The following CAP2 variants were observed in gnomAD, a reference collection of about 807,000 sequenced individuals.
CAP2 encodes adenylyl cyclase-associated protein 2.
In CAP2, 24 loss-of-function variants were observed where a neutral mutation model predicts 57.7. The observed-to-expected ratio is 0.42, with a 90% CI of 0.30 to 0.58. CAP2 has a LOEUF of 0.58. Among genes scored for constraint, CAP2 ranks in the 20% least tolerant of loss-of-function variants. The pLI is 0.22. For missense variants in CAP2, 501 were observed against 590.3 expected, an observed-to-expected ratio of 0.85 and a Z score of 1.57; for synonymous variants, 194 against 207.2, an observed-to-expected ratio of 0.94 and a Z score of 0.55.
At chr6:17,522,942 A>G (rs1762423316) in intron 7 of CAP2, among the ~76,000 whole-genome samples, 2 of 152,186 alleles carry the variant, frequency 1.3e-5, no homozygotes, top group South Asian at 4.1e-4. Flanking sequence ...CTACAGCCAT[A>G]TGCCACCATG....
chr6:17,421,701 C>T, intron 2 of CAP2, 25 bp downstream of exon 2: 1 of 1,613,498 alleles, frequency 6.2e-7, no homozygotes, highest in Non-Finnish European at 8.5e-7. Context: ...TGTTGTCATT[C>T]CTGGTCTTCT....
chr6:17,547,636 T>C (rs933191276), intron 11 of CAP2, among the ~76,000 whole-genome samples: 1 of 152,006 alleles, frequency 6.6e-6, no homozygotes, highest in Non-Finnish European at 1.5e-5. Flanking sequence ...GGTCCGGAGA[T>C]TGAGACCATC....
At chr6:17,483,799 C>T (rs985420524) in intron 4 of CAP2, among the ~76,000 whole-genome samples, 1 of 152,090 alleles carries the variant, frequency 6.6e-6, no homozygotes, top group Non-Finnish European at 1.5e-5. Flanking sequence ...CCCGGCATGG[C>T]TGACGGGGTT....
At chr6:17,442,654 A>G (rs9370991) in intron 3 of CAP2, among the ~76,000 whole-genome samples, 95,586 of 151,586 alleles carry the variant, frequency 0.63, 31,275 homozygotes, top group East Asian at 0.84. Context: ...TTTAGAGGCC[A>G]AGTGGGGGGA....
intron 1 of CAP2, among the ~76,000 whole-genome samples, chr6:17,414,839 C>T (rs561686354): frequency 2.6e-5 from 4 of 152,150 alleles, no homozygotes; most frequent in African/African-American, 4.8e-5. Flanking sequence ...TACTGTCTTC[C>T]GCAGTGGTTG....
intron 1 of CAP2, among the ~76,000 whole-genome samples, chr6:17,401,667 T>C (rs1758820072): frequency 6.6e-6 from 1 of 152,264 alleles, no homozygotes; most frequent in African/African-American, 2.4e-5. Flanking sequence ...TGCTAGAAGC[T>C]GTGGCTAGAG....
intron 1 of CAP2, among the ~76,000 whole-genome samples, chr6:17,399,095 G>T (rs1337783393): frequency 6.6e-6 from 1 of 151,992 alleles, no homozygotes; most frequent in Non-Finnish European, 1.5e-5. Flanking sequence ...AGACAGTCTC[G>T]CTTTGTCACC....
chr6:17,524,471 C>A (rs1180608717), intron 7 of CAP2, among the ~76,000 whole-genome samples: 1 of 152,248 alleles, frequency 6.6e-6, no homozygotes, highest in East Asian at 1.9e-4. Flanking sequence ...CAAGGGTGAG[C>A]CAGCGGTGTT....
At chr6:17,508,781 C>T (rs938686031) in intron 6 of CAP2, among the ~76,000 whole-genome samples, 2 of 146,660 alleles carry the variant, frequency 1.4e-5, no homozygotes, top group Non-Finnish European at 3.0e-5. Context: ...GATGGAGTCT[C>T]ACTCTGTTGC....
intron 1 of CAP2, among the ~76,000 whole-genome samples, chr6:17,405,814 C>T (rs552393150): frequency 3.9e-5 from 6 of 152,260 alleles, no homozygotes; most frequent in Admixed American, 2.0e-4. Context: ...AATCTTGGCT[C>T]GCTACAGCCT....
In CAP2 at chr6:17,551,320, C is replaced by T. The variant is rs963805890; in HGVS notation, c.1210-144C>T. ...TTCTGCCTGAAGACTTTGCCATTAA[C>T]TCACCTCCCCAGCTTTGACCCAGTG... is the stretch of plus-strand genomic sequence containing the variant. On this transcript the variant is annotated intron_variant, in intron 11 of 12. Coordinates refer to ENST00000229922, the MANE Select transcript of CAP2 (RefSeq NM_006366.3). 1.2e-5 allele frequency: 7 copies of T among 595,364 alleles called. No individual in the cohort carries two copies. In the African/African-American group the frequency reaches 1.3e-4, roughly 11 times the overall value. The allele number at this position is 595,364 out of a possible 1,614,324, so 36.9% of individuals were successfully genotyped here.
At chr6:17,493,440 C>T in intron 4 of CAP2, 2 of 320,872 alleles carry the variant, frequency 6.2e-6, no homozygotes, top group South Asian at 2.7e-5. Context: ...AATAATTTCA[C>T]CGCCAACCAC....
chr6:17,405,160 A>C (rs1343675094), intron 1 of CAP2, among the ~76,000 whole-genome samples: 1 of 152,176 alleles, frequency 6.6e-6, no homozygotes, highest in East Asian at 1.9e-4. Context: ...AGGCGGGTGG[A>C]TCACCTGAGG....
At chr6:17,397,498 T>C (rs1004449071) in intron 1 of CAP2, among the ~76,000 whole-genome samples, 1 of 151,792 alleles carries the variant, frequency 6.6e-6, no homozygotes, top group Non-Finnish European at 1.5e-5. Context: ...ATCGAGACCA[T>C]CCTGGCTAAC....
At chr6:17,483,781 G>A (rs1353818588) in intron 4 of CAP2, among the ~76,000 whole-genome samples, 1 of 152,060 alleles carries the variant, frequency 6.6e-6, no homozygotes, top group Non-Finnish European at 1.5e-5. Context: ...GCTGACAGGG[G>A]TGTTTTCCCC....
intron 3 of CAP2, among the ~76,000 whole-genome samples, chr6:17,456,792 C>T (rs1359154525): frequency 6.6e-6 from 1 of 152,130 alleles, no homozygotes; most frequent in Non-Finnish European, 1.5e-5. Context: ...GATGCTTTTG[C>T]CATCTTCCAA....
intron 11 of CAP2, among the ~76,000 whole-genome samples, chr6:17,550,540 C>T (rs1156842796): frequency 6.6e-6 from 1 of 151,120 alleles, no homozygotes; most frequent in African/African-American, 2.4e-5. Flanking sequence ...CTCGCACCAT[C>T]AATAAAAGTT....
In CAP2 at chr6:17,511,364, T is replaced by C. The variant is rs183319691; in HGVS notation, c.531-2485T>C. ...TAGAGGAGTAGAAAGGCAGACTTCC[T>C]TGAGGTTTAAACAGGACTGTGAGCA... On this transcript the variant is annotated intron_variant, in intron 6 of 12. Coordinates refer to ENST00000229922, the MANE Select transcript of CAP2 (RefSeq NM_006366.3). Among the ~76,000 whole-genome samples, 47 of 152,332 alleles carry C rather than the reference T, an allele frequency of 3.1e-4. 1 individual carries two copies. The East Asian group carries it at 8.3e-3, about 27-fold the overall frequency.
intron 4 of CAP2, among the ~76,000 whole-genome samples, chr6:17,491,714 T>C (rs1052507979): frequency 1.3e-5 from 2 of 152,238 alleles, no homozygotes; most frequent in African/African-American, 4.8e-5. Flanking sequence ...TCTAGCCAGA[T>C]GATCTTGGGC....
Sources: gnomAD v4.1 joint callset for allele counts (sites outside exome capture counted in the v4.1 genomes callset) on GRCh38, gnomAD v4.1.1 for gene constraint, MANE v1.5 for transcripts, NCBI Gene and HGNC (gene_info 2026-07-23, HGNC 2026-07-21) for gene names.